The following FYB1 variants were observed in gnomAD, a reference collection of about 807,000 sequenced individuals.
The protein encoded by FYB1 is FYN-binding protein 1.
FYB1 carries 41 observed loss-of-function variants against 94.1 expected under a neutral mutation model. That is an observed-to-expected ratio of 0.44 (90% CI 0.34 to 0.57). The LOEUF is 0.57. Among genes scored for constraint, FYB1 ranks in the 20% least tolerant of loss-of-function variants. The pLI is 0.02. For synonymous variants in FYB1, 367 were observed against 353.2 expected (o/e 1.04, Z -0.44); for missense variants, 1,050 against 976.8 (o/e 1.07, Z -1.00).
chr5:39,259,367 C>T (rs936985884), intron 1 of FYB1, among the ~76,000 whole-genome samples: 2 of 152,284 alleles, frequency 1.3e-5, no homozygotes, highest in East Asian at 3.9e-4. Context: ...GATTTAGTAA[C>T]GAGTATGCGA....
intron 2 of FYB1, among the ~76,000 whole-genome samples, chr5:39,158,044 A>T (rs953311654): frequency 1.3e-5 from 2 of 152,192 alleles, no homozygotes; most frequent in Non-Finnish European, 2.9e-5. Flanking sequence ...GACAAAAAAA[A>T]TTAAGGAAAA....
intron 1 of FYB1, among the ~76,000 whole-genome samples, chr5:39,260,620 A>G (rs1469679085): frequency 6.6e-6 from 1 of 152,216 alleles, no homozygotes; most frequent in African/African-American, 2.4e-5. Context: ...GCAACAAAGG[A>G]AGTGAGAAGC....
chr5:39,222,809 A>G (rs1010568327), upstream of FYB1, among the ~76,000 whole-genome samples: 5 of 152,170 alleles, frequency 3.3e-5, no homozygotes, highest in African/African-American at 9.7e-5. Flanking sequence ...ATCTTTGCTC[A>G]CAAAGGAAAA....
intron 3 of FYB1, among the ~76,000 whole-genome samples, chr5:39,151,858 GA>G (rs1164197652): frequency 1.3e-5 from 2 of 152,202 alleles, no homozygotes; most frequent in Admixed American, 1.3e-4. Flanking sequence ...GAGAAGCACA[GA>G]AACACCTATA....
chr5:39,105,531 T>C lies in FYB1; in HGVS notation c.*1912A>G, dbSNP rs1760325070. 1 of 152,114 alleles carries C rather than the reference T, an allele frequency of 6.6e-6. No individual in the cohort carries two copies. The highest frequency in any genetic ancestry group is 1.5e-5 in the Non-Finnish European group (1 of 68,024). The allele number at this position is 152,114 out of a possible 1,614,324, so 9.4% of individuals were successfully genotyped here. A position where few individuals can be genotyped will look rare whatever the true frequency, so the allele number is the denominator to read the frequency against. ...TTCTCAATCAGAAAAAAAATTACTG[T>C]CAGACTGCAATGCAAGTCTGCCCCA... On this transcript the variant is annotated 3_prime_UTR_variant, in exon 19 of 19. Transcript: ENST00000512982.
chr5:39,155,762 A>T (rs1743691453), intron 2 of FYB1, among the ~76,000 whole-genome samples: 1 of 152,058 alleles, frequency 6.6e-6, no homozygotes, highest in African/African-American at 2.4e-5. Flanking sequence ...TGAGATAGAG[A>T]TTTAATTTTA....
chr5:39,119,930 G>T (rs2150280865), intron 14 of FYB1, among the ~76,000 whole-genome samples: 1 of 152,090 alleles, frequency 6.6e-6, no homozygotes, highest in East Asian at 1.9e-4. Context: ...CATGTCAGCA[G>T]TTTCATATGA....
intron 18 of FYB1, among the ~76,000 whole-genome samples, chr5:39,108,006 T>G (rs1437239507): frequency 2.0e-5 from 3 of 152,054 alleles, no homozygotes; most frequent in Non-Finnish European, 4.4e-5. Context: ...TTTTTATACT[T>G]CTGTTTTCAA....
chr5:39,186,124 C>T (rs1746762440), intron 2 of FYB1, among the ~76,000 whole-genome samples: 2 of 152,140 alleles, frequency 1.3e-5, no homozygotes, highest in Admixed American at 1.3e-4. Flanking sequence ...TCAAGCTCCA[C>T]TAAAACATGA....
rs1752680651 is a variant in FYB1 at position 39,271,969 on chromosome 5, C to A, written c.-28+2434G>T. ...TTGAAATGGAGACATTCTTTACTTT[C>A]ACTAGAAAGCCTCTTATCTACTGTC... On this transcript the variant is annotated intron_variant, in intron 1 of 1. Transcript: ENST00000510188. Among the ~76,000 whole-genome samples the A allele has an allele frequency of 2.0e-5, 3 of 152,074 alleles. No individual in the cohort carries two copies. The South Asian group carries it at 6.3e-4, about 32-fold the overall frequency.
intron 1 of FYB1, among the ~76,000 whole-genome samples, chr5:39,266,917 T>C (rs1752458692): frequency 6.6e-6 from 1 of 152,182 alleles, no homozygotes; most frequent in Admixed American, 6.5e-5. Flanking sequence ...TCCTGGGCTT[T>C]TCTTTGACTA....
chr5:39,149,253 G>A (rs1743038346), intron 3 of FYB1, among the ~76,000 whole-genome samples: 1 of 152,102 alleles, frequency 6.6e-6, no homozygotes, highest in Admixed American at 6.5e-5. Flanking sequence ...AGTTACTTCT[G>A]GGAACAGCTT....
At chr5:39,224,573 G>A (rs995397170), upstream of FYB1, among the ~76,000 whole-genome samples, 23 of 152,172 alleles carry the variant, frequency 1.5e-4, no homozygotes, top group African/African-American at 4.8e-4. Flanking sequence ...CCTCTAGAGA[G>A]CTCATTGTCT....
chr5:39,133,624 T>C (rs1741399123), intron 9 of FYB1, among the ~76,000 whole-genome samples: 1 of 152,146 alleles, frequency 6.6e-6, no homozygotes. Flanking sequence ...TGTTCTATTC[T>C]GTTCCTCTAT....
At position 39,202,152 on chromosome 5, in the gene FYB1, C is replaced by T. The variant is rs1298589338; in HGVS notation, c.809G>A (p.Arg270Lys). The T allele has an allele frequency of 6.2e-7, 1 of 1,614,016 alleles. No homozygotes were observed. Among genetic ancestry groups the T allele is most frequent in the Admixed American group, 1.7e-5 (1 of 60,024 alleles). The change falls in exon 2 of 19, where the codon AGG (arginine) becomes AAG (lysine). Residue 270 changes from arginine (R) to lysine (K), a missense_variant. Physicochemically the swap from Arg to Lys is conservative, Grantham distance 26. Coordinates refer to ENST00000512982, the MANE Select transcript of FYB1 (RefSeq NM_001465.6). ...PGVVLKPAAS[R>K]GGPGLSKNGE... ...ATTTTTGGAGAGACCTGGGCCTCCC[C>T]TGCTCGCAGCAGGTTTCAAAACCAC...
upstream of FYB1, among the ~76,000 whole-genome samples, chr5:39,220,958 G>A (rs563074991): frequency 6.6e-6 from 1 of 152,302 alleles, no homozygotes; most frequent in African/African-American, 2.4e-5. Flanking sequence ...GGCTGAGACC[G>A]TATATGGCCT....
chr5:39,124,043 T>A (rs1041756445), intron 13 of FYB1, among the ~76,000 whole-genome samples: 4 of 152,128 alleles, frequency 2.6e-5, no homozygotes, highest in Non-Finnish European at 2.9e-5. Context: ...AAGAACAGTT[T>A]AAAAACTATC....
chr5:39,261,394 C>G (rs1051561497), intron 1 of FYB1, among the ~76,000 whole-genome samples: 9 of 142,636 alleles, frequency 6.3e-5, no homozygotes, highest in African/African-American at 2.1e-4. Context: ...AGACAGCAGG[C>G]AAGAGTTATG....
At chr5:39,137,509 C>T in intron 7 of FYB1, 91 bp downstream of exon 7, 1 of 1,408,620 alleles carries the variant, frequency 7.1e-7, no homozygotes, top group Non-Finnish European at 9.4e-7. Flanking sequence ...AGTAATTCTT[C>T]AACTATGTAA....
Sources: allele counts gnomAD v4.1 joint callset (sites outside exome capture counted in the v4.1 genomes callset), GRCh38; gene constraint gnomAD v4.1.1; transcripts MANE v1.5; gene names NCBI Gene and HGNC (gene_info 2026-07-23, HGNC 2026-07-21).